TNS1: variants seen among roughly 807,000 people sequenced by gnomAD.
The protein encoded by TNS1 is tensin-1.
A neutral mutation model predicts 168.6 loss-of-function variants in TNS1; 62 were observed. The observed-to-expected ratio is 0.37, with a 90% CI of 0.30 to 0.45. The LOEUF (loss-of-function observed/expected upper bound fraction) is 0.45, where lower values mean the gene tolerates loss of function less well. Among genes scored for constraint, TNS1 ranks in the 20% least tolerant of loss-of-function variants. The probability of loss-of-function intolerance (pLI) is 1.00; values close to 1 mark genes in which losing one functional copy is unlikely to be tolerated. For synonymous variants in TNS1, 934 were observed against 933.2 expected, an observed-to-expected ratio of 1.00 and a Z score of -0.02; for missense variants, 2,240 against 2,339.4, an observed-to-expected ratio of 0.96 and a Z score of 0.88.
upstream of TNS1, among the ~76,000 whole-genome samples, chr2:218,006,999 G>GTTCCCAGACCC (rs1372142886): frequency 6.6e-6 from 1 of 152,082 alleles, no homozygotes; most frequent in Non-Finnish European, 1.5e-5. Flanking sequence ...CAGTCTCTCA[G>GTTCCCAGACCC]TTCCCAGACC....
chr2:217,894,976 TCCCCTA>T, intron 9 of TNS1, 24 bp downstream of exon 9: 8 of 1,609,422 alleles, frequency 5.0e-6, no homozygotes, highest in Non-Finnish European at 6.8e-6. Context: ...CTCCTTCTCC[TCCCCTA>T]CCCCAAAACA....
chr2:217,958,388 G>A (rs759015564), intron 3 of TNS1, among the ~76,000 whole-genome samples: 7 of 152,292 alleles, frequency 4.6e-5, no homozygotes, highest in South Asian at 2.1e-4. Flanking sequence ...TTCCCAAACC[G>A]TCGTCTGCAT....
At chr2:217,934,875 CTG>C (rs1444068018) in intron 3 of TNS1, among the ~76,000 whole-genome samples, 18 of 152,250 alleles carry the variant, frequency 1.2e-4, no homozygotes, top group African/African-American at 4.3e-4. Context: ...AGGAGCCTCT[CTG>C]TTCAGAAAGA....
chr2:217,985,233 C>T (rs1355387634), intron 2 of TNS1, among the ~76,000 whole-genome samples: 3 of 151,766 alleles, frequency 2.0e-5, no homozygotes, highest in Non-Finnish European at 2.9e-5. Flanking sequence ...ATTTTTACAG[C>T]TAAATTCCTC....
chr2:217,810,013 G>A, intron 29 of TNS1, 22 bp from the exon 30 acceptor site: 1 of 1,607,322 alleles, frequency 6.2e-7, no homozygotes. Flanking sequence ...CAACCCAAGG[G>A]GGAGTCATGG....
chr2:218,018,426 T>A (rs898151013), intron 1 of TNS1, among the ~76,000 whole-genome samples: 1 of 152,328 alleles, frequency 6.6e-6, no homozygotes, highest in Admixed American at 6.5e-5. Flanking sequence ...GCTGGCCCTG[T>A]CCCCAAATCT....
At chr2:218,029,924 C>T (rs997531552) in intron 1 of TNS1, among the ~76,000 whole-genome samples, 2 of 152,146 alleles carry the variant, frequency 1.3e-5, no homozygotes, top group African/African-American at 4.8e-5. Context: ...AGACAAATGC[C>T]TTCACAGCCA....
At chr2:217,930,800 G>T (rs991587684) in intron 3 of TNS1, among the ~76,000 whole-genome samples, 3 of 152,202 alleles carry the variant, frequency 2.0e-5, no homozygotes, top group African/African-American at 4.8e-5. Flanking sequence ...TGGAATGCAG[G>T]CTTCAGAGTC....
intron 3 of TNS1, among the ~76,000 whole-genome samples, chr2:217,973,437 A>AG (rs1347347297): frequency 6.6e-6 from 1 of 151,604 alleles, no homozygotes; most frequent in East Asian, 1.9e-4. Flanking sequence ...TCAACAGGAG[A>AG]GAAACAACTG....
chr2:218,007,834 G>A (rs1242499227), upstream of TNS1, among the ~76,000 whole-genome samples: 1 of 152,102 alleles, frequency 6.6e-6, no homozygotes, highest in Non-Finnish European at 1.5e-5. Context: ...GGGTGCATGA[G>A]TGGGAGCTCA....
chr2:217,801,288 C>T lies in TNS1; in HGVS notation c.*3171G>A, dbSNP rs1346463889. 6.6e-5 allele frequency: 10 copies of T among 152,462 alleles called. No homozygotes were observed. Among genetic ancestry groups the T allele is most frequent in the Admixed American group, 5.9e-4 (9 of 15,302 alleles). 9.4% of individuals were successfully genotyped at this position (152,462 alleles called of 1,614,324 possible). A position where few individuals can be genotyped will look rare whatever the true frequency, so the allele number is the denominator to read the frequency against. On this transcript the variant is annotated 3_prime_UTR_variant, in exon 33 of 33. Transcript: ENST00000682258. ...GGTCCCCTCTCCATTGTTTTCTCGCCCAATCCTTCCCTCTTGCTCCCTTTG... is the reference window on the plus strand; with the variant it reads ...GGTCCCCTCTCCATTGTTTTCTCGCTCAATCCTTCCCTCTTGCTCCCTTTG...
In TNS1 at chr2:218,032,137, G is replaced by A. The variant is rs539454422; in HGVS notation, c.156+1683C>T. 2.0e-5 allele frequency among the ~76,000 whole-genome samples: 3 copies of A among 152,314 alleles called. No individual in the cohort carries two copies. The East Asian group carries it at 5.8e-4, about 29-fold the overall frequency. On this transcript the variant is annotated intron_variant, in intron 1 of 1. Transcript: ENST00000649572. This position sits in a 1 kb window ranked among gnomAD's most constrained non-coding sequence, Gnocchi z 4.0. ...GGCTCAGGGTGTAGGGCAGTTGTGG[G>A]ACCTAGAGAGGCCACCTGGGAGGGG...
chr2:217,969,581 CAATAAT>C (rs796792673), intron 3 of TNS1, among the ~76,000 whole-genome samples: 18 of 152,092 alleles, frequency 1.2e-4, no homozygotes, highest in African/African-American at 4.3e-4. Flanking sequence ...TTTTACAACT[CAATAAT>C]AAAAGACAAA....
At chr2:217,855,714 G>A (rs1948052805) in intron 18 of TNS1, among the ~76,000 whole-genome samples, 1 of 152,132 alleles carries the variant, frequency 6.6e-6, no homozygotes, top group Non-Finnish European at 1.5e-5. Context: ...TTCCATAAAT[G>A]CTTCTTGCCT....
Position 217,821,902 on chromosome 2 carries a change from G to A in TNS1, c.3410C>T (p.Ala1137Val), listed in dbSNP as rs768382919. The change falls in exon 23 of 33, where the codon GCG becomes GTG. Residue 1137 changes from alanine to valine, a missense_variant. Coordinates refer to ENST00000682258, the MANE Select transcript of TNS1 (RefSeq NM_001387777.1). The stretch of plus-strand genomic sequence containing the variant: ...GTCCTGAGCTCGGGGTCCAGCCACC[G>A]CTGTCCGTGCCACAGACTCCACATA... The part of the protein sequence containing the change: ...RSYVESVART[A>V]VAGPRAQDSE... The A allele has an allele frequency of 1.1e-5, 17 of 1,587,914 alleles. No homozygotes were observed. The highest frequency in any genetic ancestry group is 4.1e-5 in the African/African-American group (3 of 74,046).
chr2:218,003,214 G>GAA (rs1195449394), upstream of TNS1, among the ~76,000 whole-genome samples: 29 of 148,710 alleles, frequency 2.0e-4, 1 homozygote, highest in Admixed American at 5.3e-4. Flanking sequence ...CCCACCCCCG[G>GAA]ACACACAACC....
At chr2:217,887,041 G>A (rs1559303013) in intron 12 of TNS1, among the ~76,000 whole-genome samples, 1 of 152,090 alleles carries the variant, frequency 6.6e-6, no homozygotes, top group Admixed American at 6.6e-5. Context: ...CCACCAAACA[G>A]CTCTGACGCC....
intron 18 of TNS1, among the ~76,000 whole-genome samples, chr2:217,863,066 C>T (rs1321157559): frequency 1.3e-5 from 2 of 151,968 alleles, no homozygotes; most frequent in Non-Finnish European, 2.9e-5. Flanking sequence ...GGCTTAGTCC[C>T]TTCCTGTCAA....
At chr2:217,960,085 C>T (rs1018793789) in intron 3 of TNS1, among the ~76,000 whole-genome samples, 2 of 152,070 alleles carry the variant, frequency 1.3e-5, no homozygotes, top group African/African-American at 4.8e-5. Context: ...CTCACCTACC[C>T]TTGTACTGGG....
Sources: gnomAD v4.1 joint callset for allele counts (sites outside exome capture counted in the v4.1 genomes callset) on GRCh38, gnomAD v4.1.1 for gene constraint, Gnocchi (gnomAD v3.1) non-coding constraint, MANE v1.5 for transcripts, NCBI Gene and HGNC (gene_info 2026-07-23, HGNC 2026-07-21) for gene names.